ZNF384: variants seen among roughly 807,000 people sequenced by gnomAD.
ZNF384 encodes the protein zinc finger protein 384, also known as CAG repeat protein 1.
A neutral mutation model predicts 65.0 loss-of-function variants in ZNF384; 20 were observed. The observed-to-expected ratio is 0.31, with a 90% CI of 0.22 to 0.45. The LOEUF (loss-of-function observed/expected upper bound fraction) is 0.45. Ranked by LOEUF, ZNF384 falls within the 20% of genes least tolerant of loss-of-function variation. The pLI is 1.00. For synonymous variants in ZNF384, 310 were observed against 303.9 expected, an observed-to-expected ratio of 1.02 and a Z score of -0.21; for missense variants, 549 against 769.4, an observed-to-expected ratio of 0.71 and a Z score of 3.39.
Position 6,667,391 on chromosome 12 carries a change from G to C in ZNF384, c.*323C>G, listed in dbSNP as rs1172216990. The C allele has an allele frequency of 4.1e-6, 2 of 490,772 alleles. No homozygotes were observed. Among genetic ancestry groups the C allele is most frequent in the Non-Finnish European group, 7.5e-6 (2 of 267,714 alleles). The allele number at this position is 490,772 out of a possible 1,614,324, so 30.4% of individuals were successfully genotyped here. ...AAGGAGGGTAAGGATAGGGTAAGTG[G>C]CCACACTGGACAAGGTTCTATGAGG... On this transcript the variant is annotated 3_prime_UTR_variant, in exon 12 of 12. Transcript: ENST00000683879.
At chr12:6,688,363 T>G (rs1442406155) in intron 1 of ZNF384, 137 bp from the exon 2 acceptor site, 1 of 152,162 alleles carries the variant, frequency 6.6e-6, no homozygotes, top group Non-Finnish European at 1.5e-5. Flanking sequence ...CAAAGACGGG[T>G]GGATATAATA....
At position 6,670,772 on chromosome 12, in the gene ZNF384, G is replaced by A; in HGVS notation, c.1254C>T (p.Leu418=). The change falls in exon 10 of 12, where the codon CTC becomes CTT. Residue 418 remains leucine (L), a synonymous_variant. Transcript: ENST00000683879. ...HPGCEKAFTQ[L]SNLQSHRRQH... ...GTGGAACATTTACCTGCAGATTGGA[G>A]AGTTGTGTGAAGGCTTTCTCACAGC... 1.2e-6 allele frequency: 2 copies of A among 1,614,168 alleles called. No homozygotes were observed. Among genetic ancestry groups the A allele is most frequent in the Non-Finnish European group, 1.7e-6 (2 of 1,180,006 alleles).
At position 6,673,167 on chromosome 12, in the gene ZNF384, G is replaced by T. The variant is rs747780991; in HGVS notation, c.1004+49C>A. 6.4e-7 allele frequency: 1 copy of T among 1,556,232 alleles called. No individual in the cohort carries two copies. Among genetic ancestry groups the T allele is most frequent in the Non-Finnish European group, 8.8e-7 (1 of 1,134,064 alleles). On this transcript the variant is annotated intron_variant, in intron 8 of 11. Transcript: ENST00000683879. The surrounding 1 kb of genome is among the most constrained non-coding windows in gnomAD (Gnocchi z 4.7). ...GAGAGGAGTAGGTGCAGGCAACATGGTCTTAGGGTTCACGGCCAGGTGGTG... is the reference window on the plus strand; with the variant it reads ...GAGAGGAGTAGGTGCAGGCAACATGTTCTTAGGGTTCACGGCCAGGTGGTG...
Position 6,683,630 on chromosome 12 carries a change from C to A in ZNF384, c.-5-4105G>T, listed in dbSNP as rs149693619. ...TAAGTCGAGATTGCACCACCACAGT[C>A]CAGCCTGGGTGACAGAGCAAGACCC... On this transcript the variant is annotated intron_variant, in intron 2 of 11. Transcript: ENST00000683879. Among the ~76,000 whole-genome samples, 1,386 of 145,798 alleles carry A rather than the reference C, an allele frequency of 9.5e-3. 23 individuals are homozygous for A. The highest frequency in any genetic ancestry group is 0.032 in the African/African-American group (1,233 of 39,032).
chr12:6,678,435 G>A lies in ZNF384; in HGVS notation c.378C>T (p.Pro126=). 1 of 1,593,954 alleles carries A rather than the reference G, an allele frequency of 6.3e-7. No individual in the cohort carries two copies. The highest frequency in any genetic ancestry group is 1.1e-5 in the South Asian group (1 of 89,292). Residue 126 remains proline, a synonymous_variant, in exon 6 of 12, where the codon CCC becomes CCT. Coordinates refer to ENST00000683879, the MANE Select transcript of ZNF384 (RefSeq NM_001385745.1). This position sits in a 1 kb window ranked among gnomAD's most constrained non-coding sequence, Gnocchi z 4.9. Reference sequence around the variant, plus strand: ...ATGCTGTGGTCACAAGAGAGCCTGAGGGGGACGTGATTACCAAACCCGGAC... The same window carrying A: ...ATGCTGTGGTCACAAGAGAGCCTGAAGGGGACGTGATTACCAAACCCGGAC... ...SRGPGLVITS[P]SGSLVTTASS...
At chr12:6,687,514 G>A (rs957850190) in intron 2 of ZNF384, among the ~76,000 whole-genome samples, 7 of 152,154 alleles carry the variant, frequency 4.6e-5, no homozygotes, top group Admixed American at 4.6e-4. Context: ...GGGATCATAA[G>A]TTCTGAACTC....
chr12:6,672,138 G>T lies in ZNF384; in HGVS notation c.1187+212C>A. The T allele has an allele frequency of 1.8e-6, 1 of 562,454 alleles. No homozygotes were observed. The highest frequency in any genetic ancestry group is 3.2e-6 in the Non-Finnish European group (1 of 314,448). The allele number at this position is 562,454 out of a possible 1,614,324, so 34.8% of individuals were successfully genotyped here. A position where few individuals can be genotyped will look rare whatever the true frequency, so the allele number is the denominator to read the frequency against. On this transcript the variant is annotated intron_variant, in intron 9 of 11. Coordinates refer to ENST00000683879, the MANE Select transcript of ZNF384 (RefSeq NM_001385745.1). This position sits in a 1 kb window ranked among gnomAD's most constrained non-coding sequence, Gnocchi z 4.4. ...CAGTGAATATCATATAGTCACTGCA[G>T]CTCCCCGACGTAGCTCTTGCCCCAG...
intron 2 of ZNF384, among the ~76,000 whole-genome samples, chr12:6,682,141 T>A (rs1377136563): frequency 1.7e-4 from 23 of 136,694 alleles, no homozygotes; most frequent in African/African-American, 2.2e-4. Flanking sequence ...AAAAAAAAAA[T>A]TGAAAAAAAA....
intron 6 of ZNF384, among the ~76,000 whole-genome samples, 160 bp from the exon 7 acceptor site, chr12:6,677,419 G>C (rs548940658): frequency 2.0e-5 from 3 of 152,306 alleles, no homozygotes; most frequent in Admixed American, 2.0e-4. Flanking sequence ...ACTAGGGCAC[G>C]TGACAGTTCT....
Position 6,667,934 on chromosome 12 carries a change from TGC to T in ZNF384, c.1605_1606del (p.Gln536AlafsTer42), listed in dbSNP as rs1950159850. 1.9e-6 allele frequency: 3 copies of T among 1,611,616 alleles called. No individual in the cohort carries two copies. The South Asian group carries it at 3.3e-5, about 18-fold the overall frequency. ...CTGCTGCTGCTGCTGCTGCTGCTGC[TGC>T]TGCTGCTGCTGTGATGCCTGGGAGG... On this transcript the variant is annotated frameshift_variant, in exon 12 of 12. Transcript: ENST00000683879. LOFTEE classifies it high-confidence loss of function.
intron 2 of ZNF384, among the ~76,000 whole-genome samples, chr12:6,681,438 T>C (rs1328303624): frequency 2.0e-5 from 3 of 151,988 alleles, no homozygotes; most frequent in Admixed American, 2.0e-4. Context: ...TAAGAGAGTG[T>C]GAGACTGGTG....
rs766392210 is a variant in ZNF384, at chr12:6,673,414, T to A, written c.806A>T (p.Tyr269Phe). The A allele has an allele frequency of 4.3e-5, 70 of 1,613,056 alleles. No individual in the cohort carries two copies. Among genetic ancestry groups the A allele is most frequent in the Non-Finnish European group, 4.4e-5 (52 of 1,179,798 alleles). ...GTGGATCTGCATCTCCGACTTGGAGTAGAATGTCAGTGAGCACATCCGGCA... is the reference window on the plus strand; with the variant it reads ...GTGGATCTGCATCTCCGACTTGGAGAAGAATGTCAGTGAGCACATCCGGCA... ...PGCRMCSLTF[Y>F]SKSEMQIHSK... The change falls in exon 8 of 12, where the codon TAC becomes TTC. Residue 269 changes from tyrosine to phenylalanine, a missense_variant. Tyr to Phe is a conservative substitution (Grantham distance 22). Coordinates refer to ENST00000683879, the MANE Select transcript of ZNF384 (RefSeq NM_001385745.1). The surrounding 1 kb of genome is among the most constrained non-coding windows in gnomAD (Gnocchi z 4.7).
At chr12:6,681,211 CAAA>C (rs199629450) in intron 2 of ZNF384, among the ~76,000 whole-genome samples, 5 of 65,350 alleles carry the variant, frequency 7.7e-5, no homozygotes, top group Admixed American at 1.8e-4. Flanking sequence ...AACGCCATCT[CAAA>C]AAAAAAAAAA....
chr12:6,669,371 A>T (rs913035152), intron 10 of ZNF384, among the ~76,000 whole-genome samples, 182 bp from the exon 11 acceptor site: 3 of 152,172 alleles, frequency 2.0e-5, no homozygotes, highest in Non-Finnish European at 2.9e-5. Context: ...AGCATACCTC[A>T]TGTAGCACAT....
Position 6,667,812 on chromosome 12 carries a change from AG to A in ZNF384, c.1728del (p.Phe577LeufsTer3), listed in dbSNP as rs762505600. ...DSNPNPPPQC[S>X]FDLTPYKTAE... Reference sequence around the variant, plus strand: ...GCCGTCTTATACGGGGTCAGGTCAAAGGAACACTGGGGTGGAGGGTTGGGAT... The same window carrying A: ...GCCGTCTTATACGGGGTCAGGTCAAAGAACACTGGGGTGGAGGGTTGGGAT... On this transcript the variant is annotated frameshift_variant, in exon 12 of 12. Coordinates refer to ENST00000683879, the MANE Select transcript of ZNF384 (RefSeq NM_001385745.1). LOFTEE classifies it high-confidence loss of function. The A allele has an allele frequency of 6.2e-7, 1 of 1,614,190 alleles. No individual in the cohort carries two copies. The highest frequency in any genetic ancestry group is 1.1e-5 in the South Asian group (1 of 91,084).
chr12:6,687,797 C>T (rs1409240756), intron 2 of ZNF384, among the ~76,000 whole-genome samples: 1 of 152,140 alleles, frequency 6.6e-6, no homozygotes, highest in Non-Finnish European at 1.5e-5. Flanking sequence ...GTTCCAGACA[C>T]AGGAAAGCAA....
chr12:6,679,636 G>T, intron 2 of ZNF384, 111 bp from the exon 3 acceptor site: 1 of 784,236 alleles, frequency 1.3e-6, no homozygotes, highest in Non-Finnish European at 2.1e-6. Flanking sequence ...CTGATCACAT[G>T]GCTGGGGACT....
At chr12:6,669,269 G>T (rs189964610) in intron 10 of ZNF384, 80 bp from the exon 11 acceptor site, 3 of 1,448,928 alleles carry the variant, frequency 2.1e-6, no homozygotes, top group South Asian at 1.4e-5. Flanking sequence ...AAAGCAAAAA[G>T]GTAGGTGTCA....
At chr12:6,670,969 C>T (rs112665615) in intron 9 of ZNF384, 131 bp from the exon 10 acceptor site, 18 of 705,178 alleles carry the variant, frequency 2.6e-5, no homozygotes, top group Middle Eastern at 3.4e-4. Context: ...GAGGCACCAG[C>T]CTTCCTCTCT....
Sources: allele counts gnomAD v4.1 joint callset (sites outside exome capture counted in the v4.1 genomes callset), GRCh38; gene constraint gnomAD v4.1.1; non-coding constraint Gnocchi (gnomAD v3.1); transcripts MANE v1.5; gene names NCBI Gene and HGNC (gene_info 2026-07-23, HGNC 2026-07-21).